MRTFB: variants seen among roughly 807,000 people sequenced by gnomAD.
MRTFB encodes myocardin related transcription factor B.
MRTFB carries 29 observed loss-of-function variants against 104.2 expected under a neutral mutation model. The observed-to-expected ratio is 0.28, with a 90% CI of 0.21 to 0.38. MRTFB has a LOEUF of 0.38. Ranked by LOEUF, MRTFB falls within the 10% of genes least tolerant of loss-of-function variation. The probability of loss-of-function intolerance (pLI) is 1.00; values close to 1 mark genes in which losing one functional copy is unlikely to be tolerated. For missense variants in MRTFB, 1,270 were observed against 1,341.6 expected (o/e 0.95, Z 0.83); for synonymous variants, 535 against 519.5 (o/e 1.03, Z -0.41).
intron 13 of MRTFB, among the ~76,000 whole-genome samples, chr16:14,250,260 T>A (rs113389511): frequency 6.6e-6 from 1 of 152,208 alleles, no homozygotes; most frequent in Admixed American, 6.5e-5. Context: ...GTTTGAGGTA[T>A]ATACACATAG....
At chr16:14,071,843 C>T (rs2033719838) in intron 1 of MRTFB, among the ~76,000 whole-genome samples, 1 of 152,192 alleles carries the variant, frequency 6.6e-6, no homozygotes, top group Admixed American at 6.5e-5. Context: ...GCCCTTTTCT[C>T]CTGGGGTCCC....
At chr16:14,216,717 C>T (rs999962610) in intron 6 of MRTFB, among the ~76,000 whole-genome samples, 32 of 152,110 alleles carry the variant, frequency 2.1e-4, no homozygotes, top group African/African-American at 7.7e-4. Context: ...GGCAGTGTCT[C>T]CCTTCTAAGA....
chr16:14,004,291 G>A, the MRTFB span, among the ~76,000 whole-genome samples: 1 of 152,322 alleles, frequency 6.6e-6, no homozygotes, highest in African/African-American at 2.4e-5. Flanking sequence ...CCTGTTCCAT[G>A]ATGCCAGGCC....
rs150555776 is a variant in MRTFB, at chr16:14,147,577, C to T, written c.154+6817C>T. Among the ~76,000 whole-genome samples, 3 of 152,276 alleles carry T rather than the reference C, an allele frequency of 2.0e-5. No homozygotes were observed. In the East Asian group the frequency reaches 5.8e-4, roughly 29 times the overall value. ...TTGCTTCAGTGCATTGCAGAGCACA[C>T]CCATGCAGTGTGTTTGGAGCGAGGG... On this transcript the variant is annotated intron_variant, in intron 3 of 16. Coordinates refer to ENST00000571589, the MANE Select transcript of MRTFB (RefSeq NM_001308142.2).
At chr16:14,020,094 T>G in the MRTFB span, among the ~76,000 whole-genome samples, 5 of 152,166 alleles carry the variant, frequency 3.3e-5, no homozygotes, top group Non-Finnish European at 7.3e-5. Context: ...TATGCAATCC[T>G]CATTCTGGCC....
intron 3 of MRTFB, among the ~76,000 whole-genome samples, chr16:14,176,218 T>C (rs2039578359): frequency 6.6e-6 from 1 of 152,210 alleles, no homozygotes; most frequent in Non-Finnish European, 1.5e-5. Context: ...GACTGCTAAA[T>C]ACAAGAATTT....
chr16:14,089,197 A>G (rs1486546764), intron 2 of MRTFB, among the ~76,000 whole-genome samples: 1 of 152,210 alleles, frequency 6.6e-6, no homozygotes, highest in Non-Finnish European at 1.5e-5. Flanking sequence ...TTTAAAGTGT[A>G]GAACTCAATG....
At chr16:14,024,454 G>T in the MRTFB span, among the ~76,000 whole-genome samples, 1 of 152,132 alleles carries the variant, frequency 6.6e-6, no homozygotes, top group South Asian at 2.1e-4. Flanking sequence ...AAATAGAAAT[G>T]GCCAGACAAT....
chr16:14,213,288 C>T (rs969063701), intron 5 of MRTFB, among the ~76,000 whole-genome samples: 4 of 152,108 alleles, frequency 2.6e-5, no homozygotes, highest in Admixed American at 6.5e-5. Context: ...AAAACACGAC[C>T]TTTCGATGTT....
rs958393899 is a variant in MRTFB at position 14,217,416 on chromosome 16, A to C, written c.514+129A>C. On this transcript the variant is annotated intron_variant, in intron 7 of 16. Coordinates refer to ENST00000571589, the MANE Select transcript of MRTFB (RefSeq NM_001308142.2). ...TTCTGGGTTAATTAGAAATTAACAC[A>C]GTGATTTGTGTTACTATCATTTCAT... The C allele has an allele frequency of 6.6e-6, 5 of 759,178 alleles. No individual in the cohort carries two copies. In the African/African-American group the frequency reaches 8.7e-5, roughly 13 times the overall value. The allele number at this position is 759,178 out of a possible 1,614,324, so 47.0% of individuals were successfully genotyped here.
intron 3 of MRTFB, among the ~76,000 whole-genome samples, chr16:14,201,893 CTG>C (rs1258705346): frequency 1.8e-4 from 28 of 152,190 alleles, no homozygotes; most frequent in African/African-American, 6.7e-4. Context: ...ATCTATGTAA[CTG>C]TAAACTAAAC....
At chr16:14,063,127 T>A in the MRTFB span, among the ~76,000 whole-genome samples, 1 of 152,210 alleles carries the variant, frequency 6.6e-6, no homozygotes, top group Non-Finnish European at 1.5e-5. Context: ...CTGCCCATCC[T>A]TGATCCAGCA....
chr16:14,122,283 A>G (rs1202616789), intron 2 of MRTFB, among the ~76,000 whole-genome samples: 1 of 150,388 alleles, frequency 6.6e-6, no homozygotes, highest in Non-Finnish European at 1.5e-5. Flanking sequence ...GAATTAATGT[A>G]CCAACTTTTT....
chr16:14,155,862 A>C (rs765190057), intron 3 of MRTFB, among the ~76,000 whole-genome samples: 1 of 152,228 alleles, frequency 6.6e-6, no homozygotes, highest in Non-Finnish European at 1.5e-5. Flanking sequence ...CTTAGCACTC[A>C]GCAAAGACTC....
At chr16:14,130,639 G>A (rs1336983767) in intron 2 of MRTFB, among the ~76,000 whole-genome samples, 2 of 152,176 alleles carry the variant, frequency 1.3e-5, no homozygotes, top group Non-Finnish European at 2.9e-5. Flanking sequence ...CACTATAATA[G>A]TAGCTACTTG....
chr16:14,215,277 TG>T (rs2041367667), intron 6 of MRTFB, among the ~76,000 whole-genome samples: 1 of 152,236 alleles, frequency 6.6e-6, no homozygotes, highest in Non-Finnish European at 1.5e-5. Flanking sequence ...GTTCTCAAGT[TG>T]GGAGTTTTGA....
rs1051567695 is a variant in MRTFB at position 14,099,234 on chromosome 16, T to A, written c.-64+19880T>A. Reference sequence around the variant, plus strand: ...GTTATTTCTCTCAATTTATTTATATTTTTTAAAATTTCTCTAGGCAGTGTT... The same window carrying A: ...GTTATTTCTCTCAATTTATTTATATATTTTAAAATTTCTCTAGGCAGTGTT... On this transcript the variant is annotated intron_variant, in intron 2 of 16. Coordinates refer to ENST00000571589, the MANE Select transcript of MRTFB (RefSeq NM_001308142.2). 2.0e-5 allele frequency among the ~76,000 whole-genome samples: 3 copies of A among 152,258 alleles called. No individual in the cohort carries two copies. The East Asian group carries it at 5.8e-4, about 29-fold the overall frequency.
At position 14,138,120 on chromosome 16, in the gene MRTFB, A is replaced by G. The variant is rs147283985; in HGVS notation, c.-63-2424A>G. Among the ~76,000 whole-genome samples the G allele has an allele frequency of 5.1e-4, 77 of 152,290 alleles. 1 individual carries two copies. In the Middle Eastern group the frequency reaches 0.017, roughly 34 times the overall value. On this transcript the variant is annotated intron_variant, in intron 2 of 16. Transcript: ENST00000571589. ...ACTGTTTTCTTATGATGTATGGGAA[A>G]GTAAAGACACTGAAGATATTTACCC...
intron 2 of MRTFB, among the ~76,000 whole-genome samples, chr16:14,088,120 C>T (rs976442755): frequency 1.3e-5 from 2 of 152,008 alleles, no homozygotes; most frequent in African/African-American, 4.8e-5. Context: ...ATTAGATGTC[C>T]TTGGATAGAA....
Sources: allele counts gnomAD v4.1 joint callset (sites outside exome capture counted in the v4.1 genomes callset), GRCh38; gene constraint gnomAD v4.1.1; transcripts MANE v1.5; gene names NCBI Gene and HGNC (gene_info 2026-07-23, HGNC 2026-07-21).